MYOZ2: variants seen among roughly 807,000 people sequenced by gnomAD.
MYOZ2 encodes the protein myozenin-2.
A neutral mutation model predicts 25.4 loss-of-function variants in MYOZ2; 19 were observed. The observed-to-expected ratio is 0.75, with a 90% CI of 0.52 to 1.10. MYOZ2 has a LOEUF of 1.10. Ranked by LOEUF, MYOZ2 falls within the 50% of genes least tolerant of loss-of-function variation. The probability of loss-of-function intolerance (pLI) is 0.00; values close to 1 mark genes in which losing one functional copy is unlikely to be tolerated. For synonymous variants in MYOZ2, 92 were observed against 106.9 expected, an observed-to-expected ratio of 0.86 and a Z score of 0.86; for missense variants, 270 against 317.9, an observed-to-expected ratio of 0.85 and a Z score of 1.15.
At chr4:119,153,224 C>A (rs887726771) in intron 3 of MYOZ2, among the ~76,000 whole-genome samples, 1 of 152,018 alleles carries the variant, frequency 6.6e-6, no homozygotes, top group African/African-American at 2.4e-5. Context: ...GATAGTGAGC[C>A]ACGTTGTACA....
chr4:119,159,334 T>G (rs980006862), intron 4 of MYOZ2, among the ~76,000 whole-genome samples: 1 of 152,140 alleles, frequency 6.6e-6, no homozygotes, highest in African/African-American at 2.4e-5. Flanking sequence ...AACTGCCTCA[T>G]GTCAACAGAC....
At chr4:119,144,275 C>T (rs992173425) in intron 2 of MYOZ2, among the ~76,000 whole-genome samples, 12 of 152,130 alleles carry the variant, frequency 7.9e-5, no homozygotes, top group African/African-American at 2.7e-4. Flanking sequence ...GAGATTCACC[C>T]GGGTCTTGTT....
intron 2 of MYOZ2, among the ~76,000 whole-genome samples, chr4:119,139,598 C>G (rs1216650526): frequency 6.6e-6 from 1 of 152,038 alleles, no homozygotes; most frequent in Non-Finnish European, 1.5e-5. Flanking sequence ...AAGTATTAAA[C>G]TGATAAAGAG....
chr4:119,164,597 T>C (rs1171605350), intron 5 of MYOZ2, among the ~76,000 whole-genome samples: 1 of 152,172 alleles, frequency 6.6e-6, no homozygotes, highest in East Asian at 1.9e-4. Context: ...TCATTTTTAG[T>C]ATAAAAATGA....
intron 5 of MYOZ2, among the ~76,000 whole-genome samples, chr4:119,165,201 T>G (rs1578739046): frequency 6.6e-6 from 1 of 151,570 alleles, no homozygotes; most frequent in East Asian, 1.9e-4. Flanking sequence ...CCAAATAGAC[T>G]GCATTTAAAC....
intron 3 of MYOZ2, among the ~76,000 whole-genome samples, chr4:119,154,989 T>C (rs1741541111): frequency 6.6e-6 from 1 of 152,004 alleles, no homozygotes; most frequent in Admixed American, 6.6e-5. Context: ...TTCTGTGAGC[T>C]GTACAAGAAG....
chr4:119,140,807 T>G (rs910993978), intron 2 of MYOZ2, among the ~76,000 whole-genome samples: 1 of 152,226 alleles, frequency 6.6e-6, no homozygotes, highest in Non-Finnish European at 1.5e-5. Flanking sequence ...TGAATGTTTA[T>G]AGATTTATAC....
chr4:119,149,692 T>C (rs1489476048), intron 2 of MYOZ2, among the ~76,000 whole-genome samples: 2 of 152,184 alleles, frequency 1.3e-5, no homozygotes, highest in Non-Finnish European at 2.9e-5. Context: ...ATTTATTTAC[T>C]TATAATGTCC....
At chr4:119,153,408 A>G (rs1235076916) in intron 3 of MYOZ2, among the ~76,000 whole-genome samples, 5 of 152,158 alleles carry the variant, frequency 3.3e-5, no homozygotes, top group African/African-American at 1.2e-4. Flanking sequence ...GCTCAAAGAT[A>G]AATAAATACA....
intron 5 of MYOZ2, among the ~76,000 whole-genome samples, chr4:119,170,121 A>G (rs1191481591): frequency 6.6e-6 from 1 of 152,066 alleles, no homozygotes; most frequent in East Asian, 1.9e-4. Context: ...TCCTCTCCAT[A>G]ACTCTCCATC....
At chr4:119,175,427 A>G (rs1456074847) in intron 5 of MYOZ2, among the ~76,000 whole-genome samples, 1 of 152,186 alleles carries the variant, frequency 6.6e-6, no homozygotes. Flanking sequence ...AGAAATGTTC[A>G]ATTGTAATCT....
At chr4:119,154,219 T>A (rs939756619) in intron 3 of MYOZ2, among the ~76,000 whole-genome samples, 1 of 152,172 alleles carries the variant, frequency 6.6e-6, no homozygotes, top group African/African-American at 2.4e-5. Context: ...TATCTATTGA[T>A]ATTTTAACAG....
In MYOZ2 at chr4:119,154,612, T is replaced by A. The variant is rs79570809; in HGVS notation, c.247-3410T>A. Among the ~76,000 whole-genome samples the A allele has an allele frequency of 0.016, 2,470 of 152,204 alleles. 95 individuals are homozygous for A. The East Asian group carries it at 0.16, about 10-fold the overall frequency. ...AGGTAGAATTATTTGTAAGTTTAGG[T>A]GAAATTCATTTAATGAACACATTCT... On this transcript the variant is annotated intron_variant, in intron 3 of 5. Transcript: ENST00000307128.
intron 3 of MYOZ2, among the ~76,000 whole-genome samples, chr4:119,154,884 CACACACAA>C (rs1561113794): frequency 4.0e-4 from 61 of 151,876 alleles, no homozygotes; most frequent in South Asian, 2.7e-3. Context: ...CACACACACA[CACACACAA>C]TGCCTTTCTT....
chr4:119,142,430 A>G (rs919072374), intron 2 of MYOZ2, among the ~76,000 whole-genome samples: 1 of 152,208 alleles, frequency 6.6e-6, no homozygotes, highest in Non-Finnish European at 1.5e-5. Context: ...CACACTAAAA[A>G]ATAAACTTGC....
At chr4:119,151,713 G>A (rs1212234902) in intron 3 of MYOZ2, among the ~76,000 whole-genome samples, 1 of 152,122 alleles carries the variant, frequency 6.6e-6, no homozygotes, top group African/African-American at 2.4e-5. Context: ...CCAGCTTTGG[G>A]AAAATGGCTT....
chr4:119,165,676 T>C (rs531543017), intron 5 of MYOZ2, among the ~76,000 whole-genome samples: 3 of 150,302 alleles, frequency 2.0e-5, no homozygotes, highest in Non-Finnish European at 4.5e-5. Context: ...GGAGGCCCAT[T>C]CTGATCAATG....
chr4:119,181,300 C>A (rs1191513384), intron 5 of MYOZ2, among the ~76,000 whole-genome samples: 1 of 152,170 alleles, frequency 6.6e-6, no homozygotes, highest in East Asian at 1.9e-4. Flanking sequence ...CTTCCTTCAA[C>A]TCAGGAGAGT....
chr4:119,183,814 C>CTTTTTTTT, intron 5 of MYOZ2, among the ~76,000 whole-genome samples: 1 of 138,706 alleles, frequency 7.2e-6, no homozygotes, highest in Non-Finnish European at 1.5e-5. Flanking sequence ...CCACTGTTGT[C>CTTTTTTTT]TTTTTTTTTT....
Sources: gnomAD v4.1 joint callset for allele counts (sites outside exome capture counted in the v4.1 genomes callset) on GRCh38, gnomAD v4.1.1 for gene constraint, MANE v1.5 for transcripts, NCBI Gene and HGNC (gene_info 2026-07-23, HGNC 2026-07-21) for gene names.